Variants in PPIL2 observed in about 807,000 individuals in gnomAD.
The protein encoded by PPIL2 is peptidylprolyl isomerase like 2, also known as RING-type E3 ubiquitin-protein ligase PPIL2.
Under a neutral mutation model 75.2 loss-of-function variants are expected in PPIL2, and 50 were observed. The observed-to-expected ratio is 0.66, with a 90% confidence interval of 0.53 to 0.84. The LOEUF (loss-of-function observed/expected upper bound fraction) is 0.84, where lower values mean the gene tolerates loss of function less well. Ranked by LOEUF, PPIL2 falls within the 40% of genes least tolerant of loss-of-function variation. PPIL2 has a pLI of 0.00. For synonymous variants in PPIL2, 245 were observed against 258.8 expected, an observed-to-expected ratio of 0.95 and a Z score of 0.51; for missense variants, 590 against 685.0, an observed-to-expected ratio of 0.86 and a Z score of 1.55.
rs757699863 is a variant in PPIL2, at chr22:21,694,570, C to T, written c.1197-23C>T. On this transcript the variant is annotated intron_variant, in intron 16 of 19. Transcript: ENST00000398831. ...GTGCCCTCCTTGAGCACACGCAGACCCACCTCTGTCTCCCTGCTGCAGGGT... is the reference window on the plus strand; with the variant it reads ...GTGCCCTCCTTGAGCACACGCAGACTCACCTCTGTCTCCCTGCTGCAGGGT... 6.2e-6 allele frequency: 10 copies of T among 1,613,362 alleles called. No homozygotes were observed. In the East Asian group the frequency reaches 2.0e-4, roughly 32 times the overall value.
intron 6 of PPIL2, among the ~76,000 whole-genome samples, chr22:21,676,175 C>T (rs898072437): frequency 6.6e-6 from 1 of 151,856 alleles, no homozygotes; most frequent in East Asian, 1.9e-4. Context: ...ACGTCATTGA[C>T]GTCGGTGGAG....
At chr22:21,669,220 G>A (rs2066527278) in intron 1 of PPIL2, 1 of 246,856 alleles carries the variant, frequency 4.1e-6, no homozygotes, top group Non-Finnish European at 8.7e-6. Flanking sequence ...GGAGTGTAGT[G>A]GTGCTGTCAC....
At chr22:21,672,453 G>T in intron 5 of PPIL2, 72 bp downstream of exon 5, 1 of 1,458,548 alleles carries the variant, frequency 6.9e-7, no homozygotes, top group Non-Finnish European at 9.6e-7. Flanking sequence ...TGTTCTGGTG[G>T]TTTTCATGAA....
At chr22:21,692,965 T>A (rs1601599361) in intron 15 of PPIL2, among the ~76,000 whole-genome samples, 1 of 152,134 alleles carries the variant, frequency 6.6e-6, no homozygotes, top group East Asian at 1.9e-4. Context: ...AGGTAGTCTC[T>A]GCCTTCCTCC....
Position 21,688,750 on chromosome 22 carries a change from G to A in PPIL2, c.1040G>A (p.Gly347Glu). ...GTGTGGESYW[G>E]KPFKDEFRPN... ...CTTCCAGGTGGGGAGTCATACTGGG[G>A]GAAGCCCTTCAAAGACGAGTTCCGG... The change falls in exon 15 of 20, where the codon GGG becomes GAG. Residue 347 changes from glycine to glutamate, a missense_variant. Physicochemically the swap from Gly to Glu is moderately conservative, Grantham distance 98. Transcript: ENST00000398831. 6.2e-7 allele frequency: 1 copy of A among 1,614,212 alleles called. No homozygotes were observed. Among genetic ancestry groups the A allele is most frequent in the Non-Finnish European group, 8.5e-7 (1 of 1,180,014 alleles).
intron 6 of PPIL2, among the ~76,000 whole-genome samples, chr22:21,680,090 CAA>C (rs558080959): frequency 2.5e-4 from 31 of 122,890 alleles, no homozygotes; most frequent in Non-Finnish European, 2.1e-4. Context: ...GACTCTGTCT[CAA>C]AAAAAAAAAA....
At position 21,692,371 on chromosome 22, in the gene PPIL2, G is replaced by T. The variant is rs200259983; in HGVS notation, c.1140-1445G>T. On this transcript the variant is annotated intron_variant, in intron 15 of 19. Transcript: ENST00000398831. ...GGGTTTCACCGTGTTAGCGAGGATG[G>T]TCTCGATCTCCTGACCTTGTGATCC... Among the ~76,000 whole-genome samples, 57 of 151,298 alleles carry T rather than the reference G, an allele frequency of 3.8e-4. No homozygotes were observed. The East Asian group carries it at 8.4e-3, about 22-fold the overall frequency.
chr22:21,685,779 T>G (rs2148548334), intron 10 of PPIL2: 1 of 390,316 alleles, frequency 2.6e-6, no homozygotes, highest in East Asian at 7.5e-5. Flanking sequence ...GAAACCCCTT[T>G]TTCTTCCTCT....
chr22:21,694,776 A>G lies in PPIL2; in HGVS notation c.1291A>G (p.Thr431Ala), dbSNP rs2067844783. Reference protein sequence around the residue: ...RPKEEIRIDATTVFVDPYEEA... With the variant: ...RPKEEIRIDAATVFVDPYEEA... Reference sequence around the variant, plus strand: ...CTAGGAGGAGATCCGCATTGATGCCACTACAGTGTTCGTGGACCCCTATGA... The same window carrying G: ...CTAGGAGGAGATCCGCATTGATGCCGCTACAGTGTTCGTGGACCCCTATGA... Residue 431 changes from threonine to alanine, a missense_variant, in exon 18 of 20, where the codon ACT becomes GCT. Transcript: ENST00000398831. 3.1e-6 allele frequency: 5 copies of G among 1,608,656 alleles called. No homozygotes were observed. The East Asian group carries it at 8.9e-5, about 29-fold the overall frequency.
At chr22:21,695,303 G>T in intron 19 of PPIL2, 91 bp from the exon 20 acceptor site, 1 of 1,443,092 alleles carries the variant, frequency 6.9e-7, no homozygotes, top group Non-Finnish European at 9.4e-7. Flanking sequence ...GGAGGGGTTG[G>T]GCCTACACCG....
intron 15 of PPIL2, among the ~76,000 whole-genome samples, chr22:21,693,200 A>G (rs2067758475): frequency 6.6e-6 from 1 of 151,980 alleles, no homozygotes; most frequent in Non-Finnish European, 1.5e-5. Context: ...GGCACACGCC[A>G]CCACGCCCAG....
chr22:21,695,175 C>T (rs954554333), intron 19 of PPIL2, 105 bp downstream of exon 19: 12 of 1,439,744 alleles, frequency 8.3e-6, no homozygotes, highest in Non-Finnish European at 1.0e-5. Context: ...GGGCACTGGT[C>T]CCGGCCGTGG....
chr22:21,685,264 C>T (rs1221379086), intron 10 of PPIL2, among the ~76,000 whole-genome samples: 4 of 152,210 alleles, frequency 2.6e-5, no homozygotes, highest in East Asian at 3.9e-4. Context: ...GCACGTTGAG[C>T]GGGCACATGT....
At position 21,684,733 on chromosome 22, in the gene PPIL2, G is replaced by A. The variant is rs1397061609; in HGVS notation, c.554-20G>A. The stretch of plus-strand genomic sequence containing the variant: ...GCTACTGGGGGCTCGGCGGCTCAGG[G>A]CCATGCTACTGTTTTGTAGATGAAG... On this transcript the variant is annotated intron_variant, in intron 9 of 19. Coordinates refer to ENST00000398831, the MANE Select transcript of PPIL2 (RefSeq NM_014337.4). 1.9e-6 allele frequency: 3 copies of A among 1,612,728 alleles called. No individual in the cohort carries two copies. Among genetic ancestry groups the A allele is most frequent in the South Asian group, 2.2e-5 (2 of 91,040 alleles).
In PPIL2 at chr22:21,688,664, C is replaced by G. The variant is rs2067485550; in HGVS notation, c.1022-68C>G. On this transcript the variant is annotated intron_variant, in intron 14 of 19. Transcript: ENST00000398831. ...CAAGGCCCTGATGCCCCTCGGGACTCTGAGGTTTCTAGTTCTGCCTCGGCT... is the reference window on the plus strand; with the variant it reads ...CAAGGCCCTGATGCCCCTCGGGACTGTGAGGTTTCTAGTTCTGCCTCGGCT... The G allele has an allele frequency of 5.4e-6, 8 of 1,493,230 alleles. No individual in the cohort carries two copies. The South Asian group carries it at 5.7e-5, about 11-fold the overall frequency. The allele number at this position is 1,493,230 out of a possible 1,614,324, so 92.5% of individuals were successfully genotyped here. A position where few individuals can be genotyped will look rare whatever the true frequency, so the allele number is the denominator to read the frequency against.
Position 21,672,378 on chromosome 22 carries a change from A to G in PPIL2, c.240A>G (p.Gly80=), listed in dbSNP as rs376179732. 6.2e-7 allele frequency: 1 copy of G among 1,607,592 alleles called. No homozygotes were observed. The change falls in exon 5 of 20, where the codon GGA becomes GGG. Residue 80 remains glycine (G), a synonymous_variant. Coordinates refer to ENST00000398831, the MANE Select transcript of PPIL2 (RefSeq NM_014337.4). ...LKKYGTNPSN[G]EKLDGRSLIK... is the part of the protein sequence containing the mutation. ...AGTACGGGACCAACCCCAGCAATGG[A>G]GAGGTAGGTGGCTGTGCAGGAGTTT...
intron 12 of PPIL2, 68 bp from the exon 13 acceptor site, chr22:21,687,575 T>G (rs962709261): frequency 1.1e-5 from 4 of 371,526 alleles, no homozygotes; most frequent in South Asian, 2.4e-5. Context: ...AAAAAAAGCC[T>G]CCTGTGGCTG....
At position 21,681,282 on chromosome 22, in the gene PPIL2, G is replaced by A; in HGVS notation, c.296-17G>A. 6.3e-7 allele frequency: 1 copy of A among 1,596,068 alleles called. No individual in the cohort carries two copies. Among genetic ancestry groups the A allele is most frequent in the South Asian group, 1.1e-5 (1 of 90,726 alleles). On this transcript the variant is annotated splice_polypyrimidine_tract_variant and intron_variant, in intron 6 of 19. Transcript: ENST00000398831. ...CCACAGAGGTGACTGGCCTCCCTGT[G>A]TGTGCCTTCTCTCTAGGGAAGTACC... is the stretch of plus-strand genomic sequence containing the variant.
rs943234501 is a variant in PPIL2, at chr22:21,695,710, A to G, written c.*220A>G. On this transcript the variant is annotated 3_prime_UTR_variant, in exon 20 of 20. Coordinates refer to ENST00000398831, the MANE Select transcript of PPIL2 (RefSeq NM_014337.4). ...CCTGTTTCCAGGACCTGGCCCAGCCAGAGCCCACTGCTGGGACCTTCAAGC... is the reference window on the plus strand; with the variant it reads ...CCTGTTTCCAGGACCTGGCCCAGCCGGAGCCCACTGCTGGGACCTTCAAGC... 4 of 1,366,968 alleles carry G rather than the reference A, an allele frequency of 2.9e-6. No individual in the cohort carries two copies. The African/African-American group carries it at 4.4e-5, about 15-fold the overall frequency. 84.7% of individuals were successfully genotyped at this position (1,366,968 alleles called of 1,614,324 possible).
Sources: allele counts gnomAD v4.1 joint callset (sites outside exome capture counted in the v4.1 genomes callset), GRCh38; gene constraint gnomAD v4.1.1; transcripts MANE v1.5; gene names NCBI Gene and HGNC (gene_info 2026-07-23, HGNC 2026-07-21).